Variants in NFIA observed in about 807,000 individuals in gnomAD.
The protein encoded by NFIA is nuclear factor 1 A-type.
NFIA carries 8 observed loss-of-function variants against 62.8 expected under a neutral mutation model. The ratio of observed to expected loss-of-function variants is 0.13; its 90% CI spans 0.07 to 0.23. The LOEUF (loss-of-function observed/expected upper bound fraction) is 0.23, where lower values mean the gene tolerates loss of function less well. Ranked by LOEUF, NFIA falls within the 10% of genes least tolerant of loss-of-function variation. The pLI is 1.00. For missense variants in NFIA, 410 were observed against 642.1 expected (o/e 0.64, Z 3.91); for synonymous variants, 235 against 238.1 (o/e 0.99, Z 0.12).
rs535459146 is a variant in NFIA, at chr1:61,197,709, C to T, written c.560-79811C>T. ...AGAAACAGCAGACGTAGGCATGGCG[C>T]GGTGGCTCATGCCTGTAATCCCAGC... On this transcript the variant is annotated intron_variant, in intron 2 of 10. Coordinates refer to ENST00000403491, the MANE Select transcript of NFIA (RefSeq NM_001134673.4). 3.1e-4 allele frequency among the ~76,000 whole-genome samples: 47 copies of T among 151,872 alleles called. 1 individual carries two copies. Among genetic ancestry groups the T allele is most frequent in the Non-Finnish European group, 5.2e-4 (35 of 67,940 alleles).
intron 2 of NFIA, among the ~76,000 whole-genome samples, chr1:61,231,931 A>G (rs1654701522): frequency 6.6e-6 from 1 of 152,174 alleles, no homozygotes; most frequent in Admixed American, 6.5e-5. Context: ...GGCCTATATC[A>G]TCTATTTTAT....
intron 6 of NFIA, among the ~76,000 whole-genome samples, chr1:61,363,846 C>T (rs898306781): frequency 1.3e-5 from 2 of 152,074 alleles, no homozygotes; most frequent in Non-Finnish European, 2.9e-5. Context: ...CAAATAGTAG[C>T]TCATCACACA....
In NFIA at chr1:61,129,862, G is replaced by A. The variant is rs565178643; in HGVS notation, c.559+41182G>A. On this transcript the variant is annotated intron_variant, in intron 2 of 10. Transcript: ENST00000403491. The stretch of plus-strand genomic sequence containing the variant: ...AAATATGTTAAAAATATCGAATAAA[G>A]TTAGAGATGTGGGGAGACATTCCTA... Among the ~76,000 whole-genome samples, 7 of 152,254 alleles carry A rather than the reference G, an allele frequency of 4.6e-5. No individual in the cohort carries two copies. In the East Asian group the frequency reaches 1.4e-3, roughly 29 times the overall value.
Position 61,457,217 on chromosome 1 carries a change from T to C in NFIA, c.*1897T>C, listed in dbSNP as rs1212000079. On this transcript the variant is annotated 3_prime_UTR_variant, in exon 11 of 11. Transcript: ENST00000403491. This position sits in a 1 kb window ranked among gnomAD's most constrained non-coding sequence, Gnocchi z 4.2. Reference sequence around the variant, plus strand: ...CCCGAAACAATGTTGTTTTGTTTTGTTTTTTTTCCTTAATTTGCACGAAAA... The same window carrying C: ...CCCGAAACAATGTTGTTTTGTTTTGCTTTTTTTCCTTAATTTGCACGAAAA... 1 of 151,938 alleles carries C rather than the reference T, an allele frequency of 6.6e-6. No homozygotes were observed. Among genetic ancestry groups the C allele is most frequent in the East Asian group, 1.9e-4 (1 of 5,192 alleles). 9.4% of individuals were successfully genotyped at this position (151,938 alleles called of 1,614,324 possible).
intron 2 of NFIA, among the ~76,000 whole-genome samples, chr1:61,119,150 T>C (rs1362337623): frequency 6.6e-6 from 1 of 152,176 alleles, no homozygotes; most frequent in Non-Finnish European, 1.5e-5. Context: ...TCCTGTGAAA[T>C]CTTAAATATT....
chr1:61,418,265 A>G (rs1322675342), intron 9 of NFIA, among the ~76,000 whole-genome samples: 3 of 152,154 alleles, frequency 2.0e-5, no homozygotes, highest in African/African-American at 7.2e-5. Context: ...GGAGTTCAAG[A>G]CCAGCCTGGG....
intron 2 of NFIA, among the ~76,000 whole-genome samples, chr1:61,187,767 T>C (rs1038351303): frequency 6.6e-6 from 1 of 152,186 alleles, no homozygotes; most frequent in African/African-American, 2.4e-5. Context: ...TTCAGAACCG[T>C]ATAAATGCCA....
intron 2 of NFIA, among the ~76,000 whole-genome samples, chr1:61,106,843 C>T (rs1272193045): frequency 6.6e-6 from 1 of 151,422 alleles, no homozygotes; most frequent in African/African-American, 2.4e-5. Context: ...TGTAATTCCC[C>T]TCCTATAAAA....
intron 2 of NFIA, among the ~76,000 whole-genome samples, chr1:61,096,767 G>C (rs966480015): frequency 1.3e-5 from 2 of 150,632 alleles, no homozygotes; most frequent in Non-Finnish European, 2.9e-5. Context: ...TGGTGAGGCT[G>C]GACTCGAACT....
At chr1:61,258,246 C>A (rs1656547378) in intron 2 of NFIA, among the ~76,000 whole-genome samples, 1 of 152,152 alleles carries the variant, frequency 6.6e-6, no homozygotes, top group Non-Finnish European at 1.5e-5. Flanking sequence ...TTAATTTTAT[C>A]TGTGATTGTG....
At chr1:61,330,645 G>A (rs57203048) in intron 3 of NFIA, among the ~76,000 whole-genome samples, 1 of 152,018 alleles carries the variant, frequency 6.6e-6, no homozygotes, top group Non-Finnish European at 1.5e-5. Context: ...AAAATATATT[G>A]CTTGCTTTTT....
At position 61,184,123 on chromosome 1, in the gene NFIA, A is replaced by AACCC. The variant is rs1491316408; in HGVS notation, c.560-93397_560-93396insACCC. Among the ~76,000 whole-genome samples the AACCC allele has an allele frequency of 7.6e-3, 1,036 of 136,076 alleles. 11 individuals are homozygous for AACCC. Among genetic ancestry groups the AACCC allele is most frequent in the Non-Finnish European group, 0.012 (740 of 62,374 alleles). 89.3% of individuals were successfully genotyped at this position (136,076 alleles called of 152,430 possible). A position where few individuals can be genotyped will look rare whatever the true frequency, so the allele number is the denominator to read the frequency against. On this transcript the variant is annotated intron_variant, in intron 2 of 10. Transcript: ENST00000403491. ...AAGGTTTATGGGGGGGGGAAAAAAA[A>AACCC]CCAAAAAAAAAAAAAAAAACCCAAA... is the stretch of plus-strand genomic sequence containing the variant.
chr1:61,279,663 G>A (rs749536264), intron 3 of NFIA, among the ~76,000 whole-genome samples: 8 of 152,112 alleles, frequency 5.3e-5, no homozygotes, highest in Admixed American at 1.3e-4. Flanking sequence ...TGTAGTTCGC[G>A]TATTTAGGTC....
At chr1:61,422,665 G>A (rs1337194956) in intron 9 of NFIA, among the ~76,000 whole-genome samples, 1 of 151,724 alleles carries the variant, frequency 6.6e-6, no homozygotes, top group Non-Finnish European at 1.5e-5. Flanking sequence ...CCAGCACCTT[G>A]GGAGGCCGAG....
intron 1 of NFIA, among the ~76,000 whole-genome samples, chr1:61,084,164 C>G (rs935381400): frequency 2.0e-5 from 3 of 152,120 alleles, no homozygotes; most frequent in Non-Finnish European, 2.9e-5. Flanking sequence ...CCACTTCTTG[C>G]CTTCATTTAG....
chr1:61,200,067 T>C (rs1210473604), intron 2 of NFIA, among the ~76,000 whole-genome samples: 1 of 53,536 alleles, frequency 1.9e-5, no homozygotes, highest in African/African-American at 9.4e-5. Flanking sequence ...TATATATATA[T>C]GTATGTATGT....
rs796862991 is a variant in NFIA at position 61,330,444 on chromosome 1, CACA to C, written c.626-2067_626-2065del. 3.1e-4 allele frequency among the ~76,000 whole-genome samples: 38 copies of C among 122,168 alleles called. 1 individual carries two copies. Among genetic ancestry groups the C allele is most frequent in the Non-Finnish European group, 4.4e-4 (26 of 59,752 alleles). The allele number at this position is 122,168 out of a possible 152,430, so 80.1% of individuals were successfully genotyped here. A position where few individuals can be genotyped will look rare whatever the true frequency, so the allele number is the denominator to read the frequency against. On this transcript the variant is annotated intron_variant, in intron 3 of 10. Coordinates refer to ENST00000403491, the MANE Select transcript of NFIA (RefSeq NM_001134673.4). ...ACTTAGGAAATAGATACACCCCCCCCACACACACACACACACGCACACATCTGC... is the reference window on the plus strand; with the variant it reads ...ACTTAGGAAATAGATACACCCCCCCCCACACACACACACGCACACATCTGC...
At chr1:61,251,309 T>G (rs2100211900) in intron 2 of NFIA, 1 of 152,262 alleles carries the variant, frequency 6.6e-6, no homozygotes, top group Non-Finnish European at 1.5e-5. Flanking sequence ...AAAACTTAAG[T>G]TTGGAGTTAA....
At chr1:61,277,800 A>G (rs1175340823) in intron 3 of NFIA, among the ~76,000 whole-genome samples, 3 of 152,266 alleles carry the variant, frequency 2.0e-5, no homozygotes, top group Non-Finnish European at 2.9e-5. Flanking sequence ...CCTAAACACT[A>G]TTAGGGTGCC....
Sources: gnomAD v4.1 joint callset for allele counts (sites outside exome capture counted in the v4.1 genomes callset) on GRCh38, gnomAD v4.1.1 for gene constraint, Gnocchi (gnomAD v3.1) non-coding constraint, MANE v1.5 for transcripts, NCBI Gene and HGNC (gene_info 2026-07-23, HGNC 2026-07-21) for gene names.